The following SPTB variants were observed in gnomAD, a reference collection of about 807,000 sequenced individuals.
The protein encoded by SPTB is spectrin beta chain, erythrocytic.
SPTB carries 45 observed loss-of-function variants against 256.2 expected under a neutral mutation model. That is an observed-to-expected ratio of 0.18 (90% CI 0.14 to 0.23). The LOEUF (loss-of-function observed/expected upper bound fraction) is 0.23. Among genes scored for constraint, SPTB ranks in the 10% least tolerant of loss-of-function variants. The pLI is 1.00. For missense variants in SPTB, 2,715 were observed against 3,040.4 expected (o/e 0.89, Z 2.52); for synonymous variants, 1,231 against 1,243.1 (o/e 0.99, Z 0.21).
chr14:64,846,440 C>CAGATAT (rs1421197099), intron 1 of SPTB, among the ~76,000 whole-genome samples: 12 of 152,202 alleles, frequency 7.9e-5, no homozygotes, highest in Non-Finnish European at 1.8e-4. Flanking sequence ...AAAGCCTGCA[C>CAGATAT]AGATATAGAG....
At chr14:64,751,358 G>T (rs539882040) in intron 33 of SPTB, among the ~76,000 whole-genome samples, 1 of 152,074 alleles carries the variant, frequency 6.6e-6, no homozygotes, top group African/African-American at 2.4e-5. Flanking sequence ...GACCTCAGGC[G>T]ATCCACCCAC....
intron 1 of SPTB, among the ~76,000 whole-genome samples, chr14:64,831,326 T>C (rs2083448106): frequency 6.6e-6 from 1 of 152,224 alleles, no homozygotes; most frequent in African/African-American, 2.4e-5. Context: ...TTTCCTATCT[T>C]CAGCAAAACT....
intron 32 of SPTB, chr14:64,756,971 G>C (rs995458695): frequency 5.2e-5 from 8 of 152,516 alleles, no homozygotes; most frequent in African/African-American, 1.9e-4. Context: ...GCAGGGATGG[G>C]ACTGGAAGCC....
rs1376951811 is a variant in SPTB, at chr14:64,746,752, A to C, written c.*2554T>G. 6.6e-6 allele frequency: 1 copy of C among 152,610 alleles called. No individual in the cohort carries two copies. The highest frequency in any genetic ancestry group is 1.5e-5 in the Non-Finnish European group (1 of 68,126). The allele number at this position is 152,610 out of a possible 1,614,324, so 9.5% of individuals were successfully genotyped here. A position where few individuals can be genotyped will look rare whatever the true frequency, so the allele number is the denominator to read the frequency against. ...GGGACAAAGGGGAAGGAGAGAGGGA[A>C]GGAGGACCGCCTGACCTTGCCCAGA... is the stretch of plus-strand genomic sequence containing the variant. On this transcript the variant is annotated 3_prime_UTR_variant, in exon 36 of 36. Transcript: ENST00000644917. This position sits in a 1 kb window ranked among gnomAD's most constrained non-coding sequence, Gnocchi z 4.9.
chr14:64,763,570 G>A (rs1054488676), intron 32 of SPTB, among the ~76,000 whole-genome samples: 2 of 152,210 alleles, frequency 1.3e-5, no homozygotes, highest in Non-Finnish European at 2.9e-5. Flanking sequence ...CAGACTTTCC[G>A]TAATTCTCCA....
chr14:64,801,552 G>A (rs2082886357), intron 6 of SPTB, 152 bp from the exon 7 acceptor site: 1 of 812,154 alleles, frequency 1.2e-6, no homozygotes, highest in South Asian at 1.4e-5. Flanking sequence ...GAGGGGGCAG[G>A]TGTGAGCCTT....
Position 64,775,144 on chromosome 14 carries a change from A to G in SPTB, c.4823T>C (p.Ile1608Thr), listed in dbSNP as rs1169975625. The G allele has an allele frequency of 1.9e-6, 3 of 1,613,934 alleles. No homozygotes were observed. The highest frequency in any genetic ancestry group is 2.2e-5 in the South Asian group (2 of 91,080). The stretch of plus-strand genomic sequence containing the variant: ...ACAGACCTTGGGGATCTCATCGGAG[A>G]TGACGTAGAGCTCCTGCTCGCCAAT... ...AWIGEQELYV[I>T]SDEIPKDEEG... Residue 1608 changes from isoleucine (I) to threonine (T), a missense_variant, in exon 23 of 36, where the codon ATC becomes ACC. Coordinates refer to ENST00000644917, the MANE Select transcript of SPTB (RefSeq NM_001355436.2). This position sits in a 1 kb window ranked among gnomAD's most constrained non-coding sequence, Gnocchi z 5.0.
chr14:64,784,270 C>A lies in SPTB; in HGVS notation c.3979G>T (p.Gly1327Trp). Reference protein sequence around the residue: ...AFVAELASHEGWLENIDAEGK... With the variant: ...AFVAELASHEWWLENIDAEGK... ...ACCGCATCGATGTTCTCTAGCCACCCTTCATGGGAAGCCAGCTCTGCCACA... is the reference window on the plus strand; with the variant it reads ...ACCGCATCGATGTTCTCTAGCCACCATTCATGGGAAGCCAGCTCTGCCACA... Residue 1327 changes from glycine to tryptophan, a missense_variant, in exon 19 of 36, where the codon GGG becomes TGG. Physicochemically the swap from Gly to Trp is radical, Grantham distance 184 (BLOSUM62 -2). Coordinates refer to ENST00000644917, the MANE Select transcript of SPTB (RefSeq NM_001355436.2). 1.2e-6 allele frequency: 2 copies of A among 1,614,262 alleles called. No homozygotes were observed. Among genetic ancestry groups the A allele is most frequent in the African/African-American group, 1.3e-5 (1 of 75,070 alleles).
chr14:64,753,288 A>G (rs2081976682), intron 33 of SPTB, among the ~76,000 whole-genome samples: 1 of 152,134 alleles, frequency 6.6e-6, no homozygotes, highest in Non-Finnish European at 1.5e-5. Flanking sequence ...GGGGAAACCG[A>G]TTTAAAGAGG....
intron 2 of SPTB, among the ~76,000 whole-genome samples, chr14:64,810,856 C>G (rs1055740290): frequency 6.6e-6 from 1 of 152,136 alleles, no homozygotes; most frequent in African/African-American, 2.4e-5. Context: ...TGGCTCACAC[C>G]TATAATCCCA....
intron 32 of SPTB, chr14:64,766,355 T>A (rs1443117382): frequency 2.4e-6 from 3 of 1,239,660 alleles, no homozygotes; most frequent in Non-Finnish European, 1.0e-6. Context: ...AGTTGGAAAA[T>A]GGGGAAAAGG....
Position 64,795,275 on chromosome 14 carries a change from A to T in SPTB, c.1644+62T>A. Reference sequence around the variant, plus strand: ...GTCTAAGGAAGCCTATGCTAACTGCAGGGCCACTGAGACCCAAGGTGAGCA... The same window carrying T: ...GTCTAAGGAAGCCTATGCTAACTGCTGGGCCACTGAGACCCAAGGTGAGCA... On this transcript the variant is annotated intron_variant, in intron 12 of 35. Transcript: ENST00000644917. The surrounding 1 kb of genome is among the most constrained non-coding windows in gnomAD (Gnocchi z 6.5). The T allele has an allele frequency of 6.3e-7, 1 of 1,583,224 alleles. No homozygotes were observed. The highest frequency in any genetic ancestry group is 8.6e-7 in the Non-Finnish European group (1 of 1,166,470).
chr14:64,794,265 T>G (rs989280764), intron 13 of SPTB, among the ~76,000 whole-genome samples: 1 of 152,178 alleles, frequency 6.6e-6, no homozygotes, highest in African/African-American at 2.4e-5. Context: ...GGTGCCTCCT[T>G]GGTGATTATA....
At position 64,786,679 on chromosome 14, in the gene SPTB, C is replaced by A; in HGVS notation, c.3286G>T (p.Ala1096Ser). 2 of 1,614,132 alleles carry A rather than the reference C, an allele frequency of 1.2e-6. No homozygotes were observed. Among genetic ancestry groups the A allele is most frequent in the African/African-American group, 1.3e-5 (1 of 75,054 alleles). Reference sequence around the variant, plus strand: ...GCATGCTGCTGCAGGAGCTGCTCAGCCTCTGGGAGGGATTCGGGCATGTCC... The same window carrying A: ...GCATGCTGCTGCAGGAGCTGCTCAGACTCTGGGAGGGATTCGGGCATGTCC... The part of the protein sequence containing the change: ...SEDMPESLPE[A>S]EQLLQQHAGI... The change falls in exon 16 of 36, where the codon GCT (alanine) becomes TCT (serine). Residue 1096 changes from alanine to serine, a missense_variant. Transcript: ENST00000644917. The surrounding 1 kb of genome is among the most constrained non-coding windows in gnomAD (Gnocchi z 5.6).
chr14:64,867,231 G>A (rs980529742), intron 1 of SPTB, among the ~76,000 whole-genome samples: 2 of 152,060 alleles, frequency 1.3e-5, no homozygotes, highest in Non-Finnish European at 2.9e-5. Context: ...ATCTTCTATA[G>A]GTCATTAATT....
At chr14:64,815,953 T>G (rs921048146) in intron 2 of SPTB, among the ~76,000 whole-genome samples, 1 of 152,172 alleles carries the variant, frequency 6.6e-6, no homozygotes, top group African/African-American at 2.4e-5. Flanking sequence ...AGAGTGATAT[T>G]GCCAGGTAGA....
At chr14:64,750,835 AATATT>A (rs1252592447) in intron 33 of SPTB, among the ~76,000 whole-genome samples, 1 of 145,612 alleles carries the variant, frequency 6.9e-6, no homozygotes, top group Non-Finnish European at 1.5e-5. Flanking sequence ...TAATTTATAT[AATATT>A]TACATATTTA....
intron 1 of SPTB, among the ~76,000 whole-genome samples, chr14:64,867,919 C>T (rs1199553445): frequency 6.7e-6 from 1 of 148,408 alleles, no homozygotes; most frequent in Non-Finnish European, 1.5e-5. Flanking sequence ...AAGAAAGATT[C>T]TAGGCATAGA....
intron 19 of SPTB, among the ~76,000 whole-genome samples, chr14:64,783,928 C>G (rs1302027592): frequency 6.6e-6 from 1 of 152,196 alleles, no homozygotes; most frequent in Non-Finnish European, 1.5e-5. Context: ...AGTGCTGGAG[C>G]CCTGGTGAAG....
Sources: allele counts gnomAD v4.1 joint callset (sites outside exome capture counted in the v4.1 genomes callset), GRCh38; gene constraint gnomAD v4.1.1; non-coding constraint Gnocchi (gnomAD v3.1); transcripts MANE v1.5; gene names NCBI Gene and HGNC (gene_info 2026-07-23, HGNC 2026-07-21).